NTN4: variants seen among roughly 807,000 people sequenced by gnomAD.
NTN4 encodes netrin 4.
A neutral mutation model predicts 73.6 loss-of-function variants in NTN4; 32 were observed. That is an observed-to-expected ratio of 0.44 (90% CI 0.33 to 0.58). NTN4 has a LOEUF of 0.58. Among genes scored for constraint, NTN4 ranks in the 20% least tolerant of loss-of-function variants. The pLI, the probability that NTN4 is intolerant of heterozygous loss-of-function variation, is 0.04. For missense variants in NTN4, 654 were observed against 798.3 expected, an observed-to-expected ratio of 0.82 and a Z score of 2.18; for synonymous variants, 258 against 287.5, an observed-to-expected ratio of 0.90 and a Z score of 1.04.
In NTN4 at chr12:95,767,927, C is replaced by G. The variant is rs180931535; in HGVS notation, c.585+19012G>C. Among the ~76,000 whole-genome samples, 136 of 152,280 alleles carry G rather than the reference C, an allele frequency of 8.9e-4. 3 individuals carry two copies. In the Middle Eastern group the frequency reaches 0.02, roughly 23 times the overall value. ...AAATCACACCGACCAACTGCCTGCC[C>G]GAGGATCTGTCATCCTCAATGGCTA... On this transcript the variant is annotated intron_variant, in intron 2 of 9. Coordinates refer to ENST00000343702, the MANE Select transcript of NTN4 (RefSeq NM_021229.4).
At chr12:95,732,261 C>A (rs2078743295) in intron 3 of NTN4, among the ~76,000 whole-genome samples, 1 of 149,004 alleles carries the variant, frequency 6.7e-6, no homozygotes, top group South Asian at 2.1e-4. Context: ...TCTTTCTCTC[C>A]TTTCTTTCTC....
chr12:95,770,990 TTG>T (rs1159007681), intron 2 of NTN4, among the ~76,000 whole-genome samples: 1 of 48,438 alleles, frequency 2.1e-5, no homozygotes, highest in African/African-American at 7.4e-5. Context: ...GGAAAAGAAT[TTG>T]TTTTTTTTTT....
intron 3 of NTN4, among the ~76,000 whole-genome samples, chr12:95,718,844 A>C (rs2078626419): frequency 6.6e-6 from 1 of 152,122 alleles, no homozygotes; most frequent in Non-Finnish European, 1.5e-5. Flanking sequence ...TCTCTACTGC[A>C]TGTTTCCCAT....
rs543886875 is a variant in NTN4 at position 95,693,291 on chromosome 12, T to C, written c.1181-9580A>G. Among the ~76,000 whole-genome samples the C allele has an allele frequency of 5.3e-5, 8 of 152,146 alleles. No homozygotes were observed. In the East Asian group the frequency reaches 1.4e-3, roughly 26 times the overall value. On this transcript the variant is annotated intron_variant, in intron 5 of 9. Transcript: ENST00000343702. ...CTGCCTCATTGTAGATATGTTTTTT[T>C]TTTTAAAGGAAACTAATGATTGAAC...
chr12:95,663,270 A>G (rs2120913850), intron 9 of NTN4: 1 of 152,350 alleles, frequency 6.6e-6, no homozygotes, highest in East Asian at 1.9e-4. Context: ...ACTGAATAAA[A>G]CCATAAATTA....
chr12:95,760,658 T>G (rs1192957926), intron 2 of NTN4, among the ~76,000 whole-genome samples: 1 of 151,472 alleles, frequency 6.6e-6, no homozygotes, highest in Non-Finnish European at 1.5e-5. Context: ...CTGTTGCCAA[T>G]GTCTGAAAAC....
intron 2 of NTN4, among the ~76,000 whole-genome samples, chr12:95,762,421 A>T (rs1449759082): frequency 6.6e-6 from 1 of 152,218 alleles, no homozygotes; most frequent in Non-Finnish European, 1.5e-5. Flanking sequence ...TAATCACATC[A>T]TGAAAGGTTT....
At chr12:95,752,161 T>C (rs112105885) in intron 2 of NTN4, among the ~76,000 whole-genome samples, 19,497 of 151,602 alleles carry the variant, frequency 0.13, 3,304 homozygotes, top group African/African-American at 0.4. Context: ...TATCCCATCC[T>C]GCAGCACGCT....
At chr12:95,767,729 C>A (rs2079029749) in intron 2 of NTN4, among the ~76,000 whole-genome samples, 1 of 152,168 alleles carries the variant, frequency 6.6e-6, no homozygotes, top group African/African-American at 2.4e-5. Context: ...AGCAACGCCC[C>A]CCCTCCAAGT....
chr12:95,698,310 C>A (rs1403069371), intron 5 of NTN4, among the ~76,000 whole-genome samples: 1 of 152,192 alleles, frequency 6.6e-6, no homozygotes, highest in Non-Finnish European at 1.5e-5. Flanking sequence ...TCCATGACAG[C>A]CATTCACCAA....
rs2079174805 is a variant in NTN4, at chr12:95,787,215, G to A, written c.309C>T (p.Arg103=). Residue 103 remains arginine (R), a synonymous_variant, in exon 2 of 10, where the codon CGC becomes CGT. Transcript: ENST00000343702. ...AMADSSFRFP[R]TWWQSAEDVH... is the part of the protein sequence containing the mutation. ...CATCCTCCGCAGACTGCCACCATGTGCGAGGAAACCGGAAGGATGAGTCTG... is the reference window on the plus strand; with the variant it reads ...CATCCTCCGCAGACTGCCACCATGTACGAGGAAACCGGAAGGATGAGTCTG... 7 of 1,614,204 alleles carry A rather than the reference G, an allele frequency of 4.3e-6. No homozygotes were observed. The highest frequency in any genetic ancestry group is 5.9e-6 in the Non-Finnish European group (7 of 1,180,046).
intron 3 of NTN4, among the ~76,000 whole-genome samples, chr12:95,732,927 T>C (rs1030687181): frequency 6.6e-6 from 1 of 152,218 alleles, no homozygotes; most frequent in Non-Finnish European, 1.5e-5. Context: ...CTTATACAGC[T>C]AGGTAGCTAA....
At chr12:95,761,053 A>G (rs763488557) in intron 2 of NTN4, among the ~76,000 whole-genome samples, 1 of 152,206 alleles carries the variant, frequency 6.6e-6, no homozygotes, top group Non-Finnish European at 1.5e-5. Context: ...GCAGCATATA[A>G]ATAGCGGAAA....
intron 2 of NTN4, among the ~76,000 whole-genome samples, chr12:95,778,424 T>C (rs1442001663): frequency 6.6e-6 from 1 of 150,620 alleles, no homozygotes; most frequent in Non-Finnish European, 1.5e-5. Flanking sequence ...GCAAGACCAA[T>C]AAAGAAGAAA....
chr12:95,790,106 G>A lies in NTN4; in HGVS notation c.55+149C>T, dbSNP rs929144018. 3 of 582,704 alleles carry A rather than the reference G, an allele frequency of 5.1e-6. No individual in the cohort carries two copies. Among genetic ancestry groups the A allele is most frequent in the Non-Finnish European group, 8.7e-6 (3 of 344,712 alleles). 36.1% of individuals were successfully genotyped at this position (582,704 alleles called of 1,614,324 possible). ...TAGTATTTGAAACTGCGGAGCCCCG[G>A]GGAAAGGAGGCGGAACATGGCCACT... is the stretch of plus-strand genomic sequence containing the variant. On this transcript the variant is annotated intron_variant, in intron 1 of 9. Transcript: ENST00000343702. The surrounding 1 kb of genome is among the most constrained non-coding windows in gnomAD (Gnocchi z 6.5).
chr12:95,783,082 C>G (rs2079144203), intron 2 of NTN4, among the ~76,000 whole-genome samples: 1 of 152,202 alleles, frequency 6.6e-6, no homozygotes, highest in Admixed American at 6.5e-5. Flanking sequence ...ACTGCTCCAA[C>G]TAATAGGAGG....
At chr12:95,776,630 G>A (rs916140455) in intron 2 of NTN4, among the ~76,000 whole-genome samples, 12 of 152,116 alleles carry the variant, frequency 7.9e-5, no homozygotes, top group Non-Finnish European at 1.0e-4. Flanking sequence ...TAAAAGAAAC[G>A]AACAAAGCCT....
At chr12:95,763,606 C>T (rs2079002672) in intron 2 of NTN4, among the ~76,000 whole-genome samples, 1 of 152,238 alleles carries the variant, frequency 6.6e-6, no homozygotes, top group Non-Finnish European at 1.5e-5. Context: ...TGCTAAGTAG[C>T]AGATGACCTC....
intron 2 of NTN4, among the ~76,000 whole-genome samples, chr12:95,766,072 A>G (rs2079019537): frequency 6.6e-6 from 1 of 152,190 alleles, no homozygotes; most frequent in Non-Finnish European, 1.5e-5. Context: ...AGAGACTCAG[A>G]AAGACTCAGG....
Sources: allele counts gnomAD v4.1 joint callset (sites outside exome capture counted in the v4.1 genomes callset), GRCh38; gene constraint gnomAD v4.1.1; non-coding constraint Gnocchi (gnomAD v3.1); transcripts MANE v1.5; gene names NCBI Gene and HGNC (gene_info 2026-07-23, HGNC 2026-07-21).